The following VOPP1 variants were observed in gnomAD, a reference collection of about 807,000 sequenced individuals.
The protein encoded by VOPP1 is VOPP1 WW domain binding protein.
VOPP1 carries 8 observed loss-of-function variants against 23.5 expected under a neutral mutation model. The observed-to-expected ratio is 0.34, with a 90% CI of 0.20 to 0.61. The LOEUF (loss-of-function observed/expected upper bound fraction) is 0.61. Ranked by LOEUF, VOPP1 falls within the 20% of genes least tolerant of loss-of-function variation. The pLI is 0.78. For missense variants in VOPP1, 174 were observed against 238.1 expected (o/e 0.73, Z 1.77); for synonymous variants, 83 against 97.3 (o/e 0.85, Z 0.86).
intron 4 of VOPP1, among the ~76,000 whole-genome samples, chr7:55,437,479 A>C (rs1274285055): frequency 6.6e-6 from 1 of 152,036 alleles, no homozygotes; most frequent in Admixed American, 6.6e-5. Context: ...GCCTGTGGGG[A>C]TTTCATAGCC....
At position 55,472,984 on chromosome 7, in the gene VOPP1, G is replaced by A. The variant is rs772828041; in HGVS notation, c.390C>T (p.Val130=). The part of the protein sequence containing the change: ...TDPGGPGMNP[V]GNSMAMAFQV... ...GGAAAGCCATTGCCATGGAATTCCC[G>A]ACAGGGTTCATCCCCGGTCCTCCTG... Residue 130 remains valine (V), a synonymous_variant, in exon 5 of 5, where the codon GTC becomes GTT. Coordinates refer to ENST00000285279, the MANE Select transcript of VOPP1 (RefSeq NM_030796.5). The A allele has an allele frequency of 8.2e-6, 13 of 1,593,190 alleles. No individual in the cohort carries two copies. The highest frequency in any genetic ancestry group is 4.1e-5 in the African/African-American group (3 of 73,788).
At position 55,473,097 on chromosome 7, in the gene VOPP1, C is replaced by G; in HGVS notation, c.329-52G>C. On this transcript the variant is annotated intron_variant, in intron 4 of 4. Transcript: ENST00000285279. ...CACAGAAGGGAAAGCCCCATCACAC[C>G]GCAAGTATGTGCAGGCTGCAGGGCC... is the stretch of plus-strand genomic sequence containing the variant. The G allele has an allele frequency of 3.8e-6, 6 of 1,563,130 alleles. No homozygotes were observed. The South Asian group carries it at 7.2e-5, about 19-fold the overall frequency.
At chr7:55,567,826 C>CT in intron 1 of VOPP1, among the ~76,000 whole-genome samples, 1 of 152,180 alleles carries the variant, frequency 6.6e-6, no homozygotes, top group Non-Finnish European at 1.5e-5. Context: ...TCTAAAAACT[C>CT]TTAAGAGTGG....
At chr7:55,466,657 T>C (rs977112637), downstream of VOPP1, among the ~76,000 whole-genome samples, 4 of 152,148 alleles carry the variant, frequency 2.6e-5, no homozygotes, top group African/African-American at 9.7e-5. Flanking sequence ...CTTATTTTTT[T>C]AATTTAATTT....
chr7:55,521,122 T>C lies in VOPP1; in HGVS notation c.63A>G (p.Glu21=). 4 of 1,579,704 alleles carry C rather than the reference T, an allele frequency of 2.5e-6. No individual in the cohort carries two copies. In the East Asian group the frequency reaches 9.1e-5, roughly 36 times the overall value. ...CGAAATACCAGCAATGCTTTTTGGC[T>C]TCTGTGCACTGCAAATAGAAGCAAG... ...LLLGLLLECT[E]AKKHCWYFEG... The change falls in exon 2 of 5, where the codon GAA becomes GAG. Residue 21 remains glutamate, a synonymous_variant. Transcript: ENST00000285279.
At position 55,497,582 on chromosome 7, in the gene VOPP1, G is replaced by C. The variant is rs191334730; in HGVS notation, c.191+31C>G. On this transcript the variant is annotated intron_variant, in intron 3 of 4. Coordinates refer to ENST00000285279, the MANE Select transcript of VOPP1 (RefSeq NM_030796.5). The stretch of plus-strand genomic sequence containing the variant: ...GGGGGGGGGGGGGGCAGAGCTCTCG[G>C]GGTAGGGAACAAGGAGGAGTTGTGA... 3.7e-5 allele frequency: 57 copies of C among 1,533,664 alleles called. No individual in the cohort carries two copies. In the African/African-American group the frequency reaches 7.1e-4, roughly 19 times the overall value.
chr7:55,529,728 T>G (rs1562959694), intron 1 of VOPP1, among the ~76,000 whole-genome samples: 1 of 152,204 alleles, frequency 6.6e-6, no homozygotes, highest in Non-Finnish European at 1.5e-5. Flanking sequence ...CATGTTGTTC[T>G]GCAGTCAATT....
downstream of VOPP1, among the ~76,000 whole-genome samples, chr7:55,469,411 T>G (rs547327762): frequency 2.0e-5 from 3 of 152,282 alleles, no homozygotes; most frequent in South Asian, 6.2e-4. Context: ...TACTCTGAGT[T>G]AGTTTTATCA....
intron 2 of VOPP1, chr7:55,515,947 C>A: frequency 4.1e-6 from 4 of 985,292 alleles, no homozygotes; most frequent in Non-Finnish European, 4.8e-6. Flanking sequence ...TTTATCTTCT[C>A]ATCTCTGGGC....
At chr7:55,502,190 A>G (rs991137429) in intron 2 of VOPP1, among the ~76,000 whole-genome samples, 3 of 152,232 alleles carry the variant, frequency 2.0e-5, no homozygotes, top group African/African-American at 7.2e-5. Context: ...GCTTTCAGAC[A>G]TATGTAGAGC....
intron 2 of VOPP1, among the ~76,000 whole-genome samples, chr7:55,518,041 T>C (rs1795583824): frequency 1.3e-5 from 2 of 152,220 alleles, no homozygotes; most frequent in Admixed American, 6.5e-5. Context: ...ACTGAGTCTA[T>C]AGCACTAATC....
At chr7:55,561,197 A>G (rs1370445858) in intron 1 of VOPP1, among the ~76,000 whole-genome samples, 2 of 152,086 alleles carry the variant, frequency 1.3e-5, no homozygotes, top group South Asian at 2.1e-4. Flanking sequence ...ACTTCAACGC[A>G]AAGTTCCTGA....
chr7:55,497,589 G>C (rs760576880), intron 3 of VOPP1, 24 bp downstream of exon 3: 8 of 1,530,234 alleles, frequency 5.2e-6, no homozygotes, highest in Non-Finnish European at 4.5e-6. Context: ...TCGGGGTAGG[G>C]AACAAGGAGG....
intron 4 of VOPP1, among the ~76,000 whole-genome samples, chr7:55,455,836 A>T (rs1482516231): frequency 6.6e-6 from 1 of 152,232 alleles, no homozygotes; most frequent in Non-Finnish European, 1.5e-5. Flanking sequence ...GTAAGACCTA[A>T]AACCATAAAA....
At chr7:55,492,514 C>CG in intron 3 of VOPP1, 96 bp from the exon 4 acceptor site, 3 of 1,376,758 alleles carry the variant, frequency 2.2e-6, no homozygotes, top group Non-Finnish European at 2.9e-6. Context: ...CTCGGGGGTC[C>CG]GGGACCAATG....
chr7:55,447,053 G>A (rs1283943038), intron 4 of VOPP1, among the ~76,000 whole-genome samples: 1 of 152,154 alleles, frequency 6.6e-6, no homozygotes. Context: ...TCCCATTTAT[G>A]AGAAAAGTGA....
downstream of VOPP1, among the ~76,000 whole-genome samples, chr7:55,435,090 CT>C (rs1790792072): frequency 6.6e-6 from 1 of 152,262 alleles, no homozygotes; most frequent in Admixed American, 6.5e-5. Flanking sequence ...GCCGCGACTT[CT>C]ATGGCTCTAC....
chr7:55,443,454 T>C (rs1791017138), intron 4 of VOPP1, among the ~76,000 whole-genome samples: 1 of 151,786 alleles, frequency 6.6e-6, no homozygotes, highest in South Asian at 2.1e-4. Context: ...CTCGGGAGGC[T>C]GAGGCAGGAG....
chr7:55,497,563 G>GTT lies in VOPP1; in HGVS notation c.191+49_191+50insAA, dbSNP rs770730198. On this transcript the variant is annotated intron_variant, in intron 3 of 4. Transcript: ENST00000285279. ...GCTGTGACAACACTGATGGGGGGGG[G>GTT]GGGGGGGCAGAGCTCTCGGGGTAGG... is the stretch of plus-strand genomic sequence containing the variant. 3.5e-6 allele frequency: 5 copies of GTT among 1,408,464 alleles called. No homozygotes were observed. In the Admixed American group the frequency reaches 5.7e-5, roughly 16 times the overall value. The allele number at this position is 1,408,464 out of a possible 1,614,324, so 87.2% of individuals were successfully genotyped here.
Sources: gnomAD v4.1 joint callset for allele counts (sites outside exome capture counted in the v4.1 genomes callset) on GRCh38, gnomAD v4.1.1 for gene constraint, MANE v1.5 for transcripts, NCBI Gene and HGNC (gene_info 2026-07-23, HGNC 2026-07-21) for gene names.